The following MCUR1 variants were observed in gnomAD, a reference collection of about 807,000 sequenced individuals.
The protein encoded by MCUR1 is MCU regulator 1.
Under a neutral mutation model 42.0 loss-of-function variants are expected in MCUR1, and 37 were observed. The ratio of observed to expected loss-of-function variants is 0.88; its 90% CI spans 0.68 to 1.16. MCUR1 has a LOEUF of 1.16. MCUR1 is among the 50% of genes most tolerant of loss of function. The probability of loss-of-function intolerance (pLI) is 0.00; values close to 1 mark genes in which losing one functional copy is unlikely to be tolerated. For missense variants in MCUR1, 469 were observed against 468.4 expected (o/e 1.00, Z -0.01); for synonymous variants, 229 against 196.2 (o/e 1.17, Z -1.40).
Position 13,809,693 on chromosome 6 carries a change from A to G in MCUR1, c.416-2649T>C, listed in dbSNP as rs1047343008. Among the ~76,000 whole-genome samples, 29 of 151,152 alleles carry G rather than the reference A, an allele frequency of 1.9e-4. 1 individual carries two copies. Among genetic ancestry groups the G allele is most frequent in the Non-Finnish European group, 4.4e-5 (3 of 67,838 alleles). On this transcript the variant is annotated intron_variant, in intron 1 of 8. Coordinates refer to ENST00000379170, the MANE Select transcript of MCUR1 (RefSeq NM_001031713.4). ...AAGATCACTTGAGGCCAGGTATTCG[A>G]GACCAACCTGGGCAACACTGCAAGA...
chr6:13,809,904 G>GA (rs959840528), intron 1 of MCUR1, among the ~76,000 whole-genome samples: 6 of 146,166 alleles, frequency 4.1e-5, no homozygotes, highest in Admixed American at 6.8e-5. Context: ...ATCCTGTATC[G>GA]AAAAAAAAAA....
intron 3 of MCUR1, 91 bp downstream of exon 3, chr6:13,802,152 G>C: frequency 1.1e-6 from 1 of 935,826 alleles, no homozygotes; most frequent in Non-Finnish European, 1.6e-6. Context: ...TTTTCAACGG[G>C]GTATTATCCA....
chr6:13,802,043 A>AT (rs1554115182), intron 3 of MCUR1, among the ~76,000 whole-genome samples, 200 bp downstream of exon 3: 1 of 152,228 alleles, frequency 6.6e-6, no homozygotes, highest in Non-Finnish European at 1.5e-5. Flanking sequence ...GCTTTCAAGC[A>AT]TAACGATTCT....
intron 1 of MCUR1, among the ~76,000 whole-genome samples, 188 bp downstream of exon 1, chr6:13,813,827 C>T (rs1385800498): frequency 6.6e-6 from 1 of 152,210 alleles, no homozygotes; most frequent in Non-Finnish European, 1.5e-5. Context: ...CTGGGCTAAG[C>T]CCCGCCACCG....
chr6:13,799,057 AC>A (rs1199151682), intron 5 of MCUR1, among the ~76,000 whole-genome samples, 153 bp from the exon 6 acceptor site: 2 of 152,110 alleles, frequency 1.3e-5, no homozygotes, highest in African/African-American at 4.8e-5. Context: ...AGAGAAATGG[AC>A]CTAGGCCTCC....
At chr6:13,812,004 G>A (rs1304866468) in intron 1 of MCUR1, among the ~76,000 whole-genome samples, 1 of 152,120 alleles carries the variant, frequency 6.6e-6, no homozygotes, top group East Asian at 1.9e-4. Flanking sequence ...GGAAGGAAAT[G>A]CCCTCTTGGC....
chr6:13,792,757 G>T lies in MCUR1; in HGVS notation c.910-765C>A, dbSNP rs1021113116. On this transcript the variant is annotated intron_variant, in intron 7 of 8. Coordinates refer to ENST00000379170, the MANE Select transcript of MCUR1 (RefSeq NM_001031713.4). ...CCCTATGGCTACCAATTCAGGCAGA[G>T]AAAAAAAGAAATAAATGCCTGGATG... Among the ~76,000 whole-genome samples, 8 of 151,998 alleles carry T rather than the reference G, an allele frequency of 5.3e-5. No individual in the cohort carries two copies. In the South Asian group the frequency reaches 1.2e-3, roughly 24 times the overall value.
intron 6 of MCUR1, 86 bp downstream of exon 6, chr6:13,798,747 T>C: frequency 1.1e-6 from 1 of 923,702 alleles, no homozygotes; most frequent in Non-Finnish European, 1.7e-6. Flanking sequence ...ACAGTACCTA[T>C]GACATGTACA....
At position 13,789,726 on chromosome 6, in the gene MCUR1, C is replaced by CAA. The variant is rs1438089526; in HGVS notation, c.*1081_*1082dup. ...GCAGACTTTGTCCTGCAAACTGAAG[C>CAA]AAAGTTCCATGCTAAGAATCAGCAG... is the stretch of plus-strand genomic sequence containing the variant. On this transcript the variant is annotated 3_prime_UTR_variant, in exon 9 of 9. Coordinates refer to ENST00000379170, the MANE Select transcript of MCUR1 (RefSeq NM_001031713.4). The CAA allele has an allele frequency of 8.5e-5, 13 of 152,118 alleles. No homozygotes were observed. Among genetic ancestry groups the CAA allele is most frequent in the Non-Finnish European group, 1.6e-4 (11 of 68,020 alleles). The allele number at this position is 152,118 out of a possible 1,614,324, so 9.4% of individuals were successfully genotyped here.
At chr6:13,805,323 GC>G (rs1217197172) in intron 2 of MCUR1, among the ~76,000 whole-genome samples, 1 of 151,964 alleles carries the variant, frequency 6.6e-6, no homozygotes, top group East Asian at 1.9e-4. Context: ...CTCCCTTCTC[GC>G]TTCTACTTTT....
intron 6 of MCUR1, among the ~76,000 whole-genome samples, chr6:13,794,327 T>C (rs1759807430): frequency 1.3e-5 from 2 of 152,170 alleles, no homozygotes; most frequent in Non-Finnish European, 2.9e-5. Flanking sequence ...TCCCTGCATA[T>C]TTCCTGTGAT....
chr6:13,787,713 G>A lies in MCUR1; in HGVS notation c.*3096C>T, dbSNP rs1759634040. 6.6e-6 allele frequency: 1 copy of A among 152,196 alleles called. No homozygotes were observed. The highest frequency in any genetic ancestry group is 1.9e-4 in the East Asian group (1 of 5,196). The allele number at this position is 152,196 out of a possible 1,614,324, so 9.4% of individuals were successfully genotyped here. ...CCTGCACCTAGAGGATATGTGTTCA[G>A]GATCTCGCTATGGTTAGTTACCCAT... On this transcript the variant is annotated 3_prime_UTR_variant, in exon 9 of 9. Coordinates refer to ENST00000379170, the MANE Select transcript of MCUR1 (RefSeq NM_001031713.4).
chr6:13,812,628 ACT>A (rs1299136952), intron 1 of MCUR1, among the ~76,000 whole-genome samples: 1 of 152,126 alleles, frequency 6.6e-6, no homozygotes, highest in Non-Finnish European at 1.5e-5. Context: ...CTCATTCCCC[ACT>A]CTCTGTATAT....
At chr6:13,796,182 A>G (rs1274629137) in intron 6 of MCUR1, among the ~76,000 whole-genome samples, 1 of 152,222 alleles carries the variant, frequency 6.6e-6, no homozygotes, top group Non-Finnish European at 1.5e-5. Context: ...GCAAAATATT[A>G]TAAGCTTTAC....
chr6:13,804,766 G>A (rs1382059404), intron 2 of MCUR1, among the ~76,000 whole-genome samples: 1 of 124,816 alleles, frequency 8.0e-6, no homozygotes, highest in Non-Finnish European at 1.6e-5. Flanking sequence ...CTCCAGCCTG[G>A]AAGACAGAGC....
At chr6:13,800,047 G>T (rs1313028938) in intron 5 of MCUR1, among the ~76,000 whole-genome samples, 1 of 151,644 alleles carries the variant, frequency 6.6e-6, no homozygotes, top group African/African-American at 2.4e-5. Context: ...GGCCAAGCTG[G>T]TCTGAACTCC....
Position 13,802,306 on chromosome 6 carries a change from C to A in MCUR1, c.576G>T (p.Leu192Phe). The change falls in exon 3 of 9, where the codon TTG becomes TTT. Residue 192 changes from leucine to phenylalanine, a missense_variant. Physicochemically the swap from Leu to Phe is conservative, Grantham distance 22. Coordinates refer to ENST00000379170, the MANE Select transcript of MCUR1 (RefSeq NM_001031713.4). Reference sequence around the variant, plus strand: ...CCATGTTGGCCTCCAGGATCTTGACCAATGCAGACACAATGATTTCTGCTT... The same window carrying A: ...CCATGTTGGCCTCCAGGATCTTGACAAATGCAGACACAATGATTTCTGCTT... ...TQQAEIIVSA[L>F]VKILEANMDI... 6.2e-7 allele frequency: 1 copy of A among 1,613,748 alleles called. No individual in the cohort carries two copies. The highest frequency in any genetic ancestry group is 1.1e-5 in the South Asian group (1 of 91,058).
intron 2 of MCUR1, among the ~76,000 whole-genome samples, chr6:13,803,550 T>C (rs1373042674): frequency 6.6e-6 from 1 of 152,208 alleles, no homozygotes; most frequent in African/African-American, 2.4e-5. Flanking sequence ...ACTTAATTAA[T>C]GGAATTTGTG....
At position 13,790,821 on chromosome 6, in the gene MCUR1, G is replaced by A. The variant is rs750954706; in HGVS notation, c.1068C>T (p.Arg356=). 1.2e-6 allele frequency: 2 copies of A among 1,611,160 alleles called. No homozygotes were observed. The highest frequency in any genetic ancestry group is 1.7e-6 in the Non-Finnish European group (2 of 1,178,104). The part of the protein sequence containing the change: ...TCLTVALGFY[R]LWI Reference sequence around the variant, plus strand: ...AATAGACACTTTATTAGATCCACAGGCGATAAAATCCCAGAGCTACTGTTA... The same window carrying A: ...AATAGACACTTTATTAGATCCACAGACGATAAAATCCCAGAGCTACTGTTA... Residue 356 remains arginine (R), a synonymous_variant, in exon 9 of 9, where the codon CGC becomes CGT. Transcript: ENST00000379170.
Sources: gnomAD v4.1 joint callset for allele counts (sites outside exome capture counted in the v4.1 genomes callset) on GRCh38, gnomAD v4.1.1 for gene constraint, MANE v1.5 for transcripts, NCBI Gene and HGNC (gene_info 2026-07-23, HGNC 2026-07-21) for gene names.